Variants in KCNAB1 observed in about 807,000 individuals in gnomAD.
The protein encoded by KCNAB1 is voltage-gated potassium channel subunit beta-1.
In KCNAB1, 35 loss-of-function variants were observed where a neutral mutation model predicts 64.6. That is an observed-to-expected ratio of 0.54 (90% CI 0.41 to 0.72). The LOEUF (loss-of-function observed/expected upper bound fraction) is 0.72, where lower values mean the gene tolerates loss of function less well. KCNAB1 is among the 30% of genes least tolerant of loss of function. The probability of loss-of-function intolerance (pLI) is 0.00; values close to 1 mark genes in which losing one functional copy is unlikely to be tolerated. For synonymous variants in KCNAB1, 177 were observed against 183.8 expected (o/e 0.96, Z 0.30); for missense variants, 401 against 512.9 (o/e 0.78, Z 2.11).
chr3:156,194,846 G>A (rs143546501), intron 1 of KCNAB1, among the ~76,000 whole-genome samples: 2,421 of 152,244 alleles, frequency 0.016, 47 homozygotes, highest in Non-Finnish European at 0.019. Context: ...GTATACCAGT[G>A]CCATGGTGGT....
At chr3:156,273,927 A>G (rs549774839) in intron 1 of KCNAB1, among the ~76,000 whole-genome samples, 12 of 152,306 alleles carry the variant, frequency 7.9e-5, no homozygotes, top group African/African-American at 2.9e-4. Flanking sequence ...TAGAATATAC[A>G]GCTAGTCATC....
At chr3:156,523,658 A>G (rs1168774095) in intron 11 of KCNAB1, 169 bp from the exon 12 acceptor site, 8 of 660,864 alleles carry the variant, frequency 1.2e-5, no homozygotes, top group African/African-American at 3.6e-5. Flanking sequence ...AACAAGGAGC[A>G]AGATCGTGAG....
intron 2 of KCNAB1, among the ~76,000 whole-genome samples, chr3:156,447,562 G>C (rs1296676914): frequency 1.3e-5 from 2 of 151,924 alleles, no homozygotes; most frequent in African/African-American, 4.8e-5. Context: ...CAAACCATAG[G>C]GAGACCAACC....
intron 1 of KCNAB1, among the ~76,000 whole-genome samples, chr3:156,384,584 G>T (rs1458229765): frequency 1.3e-5 from 2 of 152,200 alleles, no homozygotes; most frequent in Non-Finnish European, 2.9e-5. Flanking sequence ...CATGAGATAT[G>T]AGTAGAAAGA....
intron 1 of KCNAB1, chr3:156,291,493 G>C: frequency 6.6e-6 from 7 of 1,057,336 alleles, no homozygotes; most frequent in Non-Finnish European, 8.0e-6. Context: ...AAGCGAGCCC[G>C]CATTCAGACA....
intron 1 of KCNAB1, among the ~76,000 whole-genome samples, chr3:156,242,413 C>T (rs1717212318): frequency 6.6e-6 from 1 of 152,038 alleles, no homozygotes; most frequent in Non-Finnish European, 1.5e-5. Flanking sequence ...CACACTGAAC[C>T]CAATTCGTAG....
chr3:156,152,036 C>A (rs896940853), intron 1 of KCNAB1, among the ~76,000 whole-genome samples: 5 of 152,192 alleles, frequency 3.3e-5, no homozygotes, highest in African/African-American at 9.6e-5. Flanking sequence ...GTTATGCCTG[C>A]AGGAAGGTCT....
chr3:156,242,985 C>T (rs1055500758), intron 1 of KCNAB1, among the ~76,000 whole-genome samples: 3 of 152,162 alleles, frequency 2.0e-5, no homozygotes, highest in Non-Finnish European at 4.4e-5. Context: ...TCTCAGCTCA[C>T]TGCAACCTCT....
At chr3:156,426,017 G>A (rs946568420) in intron 2 of KCNAB1, among the ~76,000 whole-genome samples, 4 of 152,096 alleles carry the variant, frequency 2.6e-5, no homozygotes, top group Non-Finnish European at 4.4e-5. Context: ...TGGGGAAATG[G>A]GTCACATGTA....
intron 1 of KCNAB1, among the ~76,000 whole-genome samples, chr3:156,250,438 C>T (rs1717749655): frequency 6.6e-6 from 1 of 152,164 alleles, no homozygotes; most frequent in Non-Finnish European, 1.5e-5. Flanking sequence ...CATTGTGTGC[C>T]ATATGGTCCT....
intron 2 of KCNAB1, among the ~76,000 whole-genome samples, chr3:156,446,322 A>G (rs1444358533): frequency 3.3e-5 from 5 of 152,256 alleles, no homozygotes; most frequent in Admixed American, 3.3e-4. Flanking sequence ...GGATGCTCCC[A>G]CCTCCAGTTC....
intron 1 of KCNAB1, among the ~76,000 whole-genome samples, chr3:156,149,529 C>A (rs1435609770): frequency 6.6e-6 from 1 of 152,144 alleles, no homozygotes; most frequent in African/African-American, 2.4e-5. Flanking sequence ...TAAGTAGGAA[C>A]AATTTTTCAC....
chr3:156,470,000 G>A (rs1713759197), intron 7 of KCNAB1, among the ~76,000 whole-genome samples: 1 of 152,218 alleles, frequency 6.6e-6, no homozygotes, highest in Non-Finnish European at 1.5e-5. Context: ...ACCATTAGAG[G>A]ATAAGACAGA....
At chr3:156,469,459 A>G (rs1323128047) in intron 7 of KCNAB1, among the ~76,000 whole-genome samples, 1 of 151,830 alleles carries the variant, frequency 6.6e-6, no homozygotes, top group Non-Finnish European at 1.5e-5. Flanking sequence ...GGGTTTCTCC[A>G]TGTTGGCCAG....
In KCNAB1 at chr3:156,516,288, G is replaced by A; in HGVS notation, c.884G>A (p.Trp295Ter). ...TCTGTAGGTGTTGGCGCAATGACAT[G>A]GTCTCCACTTGCCTGTGGAATCATC... ...YHKIGVGAMT[W>*]SPLACGIISG... is the part of the protein sequence containing the mutation. The change falls in exon 11 of 14, where the codon TGG becomes TAG. Residue 295 changes from tryptophan (W) to a stop codon, truncating the protein, a stop_gained. Coordinates refer to ENST00000490337, the MANE Select transcript of KCNAB1 (RefSeq NM_172160.3). LOFTEE classifies it high-confidence loss of function. 1 of 1,613,650 alleles carries A rather than the reference G, an allele frequency of 6.2e-7. No homozygotes were observed. Among genetic ancestry groups the A allele is most frequent in the Admixed American group, 1.7e-5 (1 of 60,024 alleles).
chr3:156,388,137 C>T (rs1712750507), intron 1 of KCNAB1, among the ~76,000 whole-genome samples: 1 of 152,198 alleles, frequency 6.6e-6, no homozygotes, highest in Non-Finnish European at 1.5e-5. Flanking sequence ...CACGGATCAC[C>T]TGGCAACTGT....
chr3:156,209,705 T>C (rs907983645), intron 1 of KCNAB1, among the ~76,000 whole-genome samples: 2 of 152,172 alleles, frequency 1.3e-5, no homozygotes, highest in African/African-American at 4.8e-5. Flanking sequence ...AGGAAGTATG[T>C]TGTGTGGGGG....
intron 1 of KCNAB1, among the ~76,000 whole-genome samples, chr3:156,164,899 A>G (rs1716279905): frequency 6.6e-6 from 1 of 152,232 alleles, no homozygotes; most frequent in Non-Finnish European, 1.5e-5. Flanking sequence ...TTAAATAGGA[A>G]GAATTGAAAA....
intron 1 of KCNAB1, among the ~76,000 whole-genome samples, chr3:156,202,823 T>C (rs1714424521): frequency 6.6e-6 from 1 of 152,218 alleles, no homozygotes; most frequent in African/African-American, 2.4e-5. Context: ...ATCTCACTTA[T>C]TTAGATTACT....
Sources: gnomAD v4.1 joint callset for allele counts (sites outside exome capture counted in the v4.1 genomes callset) on GRCh38, gnomAD v4.1.1 for gene constraint, MANE v1.5 for transcripts, NCBI Gene and HGNC (gene_info 2026-07-23, HGNC 2026-07-21) for gene names.